Variants in GABRG3 observed in about 807,000 individuals in gnomAD.
GABRG3 encodes the protein gamma-aminobutyric acid receptor subunit gamma-3.
In GABRG3, 25 loss-of-function variants were observed where a neutral mutation model predicts 48.8. The ratio of observed to expected loss-of-function variants is 0.51; its 90% CI spans 0.37 to 0.72. GABRG3 has a LOEUF of 0.72. Among genes scored for constraint, GABRG3 ranks in the 30% least tolerant of loss-of-function variants. GABRG3 has a pLI of 0.00. For synonymous variants in GABRG3, 227 were observed against 217.6 expected, an observed-to-expected ratio of 1.04 and a Z score of -0.38; for missense variants, 394 against 577.9, an observed-to-expected ratio of 0.68 and a Z score of 3.26.
intron 5 of GABRG3, among the ~76,000 whole-genome samples, chr15:27,370,793 A>G (rs1274198723): frequency 1.3e-5 from 2 of 152,230 alleles, no homozygotes; most frequent in East Asian, 1.9e-4. Flanking sequence ...TGTATTTAAC[A>G]TAGAAAATAT....
chr15:27,366,641 C>T (rs577057863), intron 5 of GABRG3, among the ~76,000 whole-genome samples: 27 of 152,198 alleles, frequency 1.8e-4, no homozygotes, highest in African/African-American at 5.3e-4. Context: ...TGTGTCTTCA[C>T]GGGGGTGAGA....
chr15:27,259,559 G>T (rs758570022), intron 3 of GABRG3, among the ~76,000 whole-genome samples: 1 of 152,166 alleles, frequency 6.6e-6, no homozygotes, highest in Non-Finnish European at 1.5e-5. Flanking sequence ...TTCCAGGGCA[G>T]CAAGGTCCTA....
At chr15:27,061,446 CTT>C (rs35770540) in intron 3 of GABRG3, among the ~76,000 whole-genome samples, 2,934 of 142,636 alleles carry the variant, frequency 0.021, 23 homozygotes, top group Non-Finnish European at 0.027. Flanking sequence ...GGTAACTGCT[CTT>C]TTTTTTTTTT....
chr15:26,971,345 C>G lies in GABRG3; in HGVS notation c.-191C>G, dbSNP rs996090634. 5.2e-5 allele frequency: 18 copies of G among 346,036 alleles called. No individual in the cohort carries two copies. The highest frequency in any genetic ancestry group is 3.9e-4 in the African/African-American group (18 of 46,198). The allele number at this position is 346,036 out of a possible 1,614,324, so 21.4% of individuals were successfully genotyped here. ...GGGGCGGCGCGCCGCGGTGGCCCGG[C>G]GTCCCGTGTGCGTCCAGTGTGCGCC... On this transcript the variant is annotated 5_prime_UTR_variant, in exon 1 of 10. Transcript: ENST00000615808.
intron 3 of GABRG3, among the ~76,000 whole-genome samples, chr15:27,231,008 A>AT (rs1566973204): frequency 4.2e-5 from 5 of 120,464 alleles, no homozygotes; most frequent in African/African-American, 1.8e-4. Context: ...AAAACAGTAA[A>AT]ATGTGTGTGT....
chr15:27,168,366 A>T (rs538835444), intron 3 of GABRG3, among the ~76,000 whole-genome samples: 1 of 145,492 alleles, frequency 6.9e-6, no homozygotes, highest in South Asian at 2.1e-4. Context: ...CGCCCCACAC[A>T]TGTCTGAACA....
chr15:27,022,680 C>G (rs919861723), intron 2 of GABRG3, among the ~76,000 whole-genome samples: 4 of 152,174 alleles, frequency 2.6e-5, no homozygotes, highest in Non-Finnish European at 5.9e-5. Flanking sequence ...GTACGTGGCT[C>G]TAGGTGCATC....
intron 2 of GABRG3, among the ~76,000 whole-genome samples, chr15:27,015,708 C>A (rs1290959797): frequency 6.6e-6 from 1 of 151,930 alleles, no homozygotes; most frequent in Non-Finnish European, 1.5e-5. Context: ...TTTTGAGTGA[C>A]CTGCTTTGAT....
At chr15:27,214,571 C>G (rs1272027372) in intron 3 of GABRG3, among the ~76,000 whole-genome samples, 3 of 152,164 alleles carry the variant, frequency 2.0e-5, no homozygotes, top group Non-Finnish European at 2.9e-5. Context: ...ACATTTATTT[C>G]TATACATTTC....
rs374309103 is a variant in GABRG3, at chr15:27,149,111, C to T, written c.270+122290C>T. On this transcript the variant is annotated intron_variant, in intron 3 of 9. Coordinates refer to ENST00000615808, the MANE Select transcript of GABRG3 (RefSeq NM_033223.5). ...ATATAAAAAATTAAGAGCGTCTGCC[C>T]CCTCCAAAAGACATTAAAATAATGA... Among the ~76,000 whole-genome samples, 4 of 151,966 alleles carry T rather than the reference C, an allele frequency of 2.6e-5. 1 individual carries two copies. Among genetic ancestry groups the T allele is most frequent in the African/African-American group, 9.6e-5 (4 of 41,480 alleles).
At chr15:27,101,553 A>G (rs926158321) in intron 3 of GABRG3, among the ~76,000 whole-genome samples, 3 of 152,214 alleles carry the variant, frequency 2.0e-5, no homozygotes, top group African/African-American at 7.2e-5. Flanking sequence ...ATATAGCTAC[A>G]TAATCAAGAC....
intron 5 of GABRG3, among the ~76,000 whole-genome samples, chr15:27,337,652 G>GT (rs1894020010): frequency 6.6e-6 from 1 of 152,170 alleles, no homozygotes; most frequent in African/African-American, 2.4e-5. Context: ...TATCAGTCAT[G>GT]TTCTTCATTC....
chr15:27,040,864 T>C (rs1315845838), intron 3 of GABRG3, among the ~76,000 whole-genome samples: 2 of 152,168 alleles, frequency 1.3e-5, no homozygotes, highest in East Asian at 1.9e-4. Flanking sequence ...CCATATGAAG[T>C]TGGTTCTCCT....
intron 3 of GABRG3, among the ~76,000 whole-genome samples, chr15:27,056,514 G>A (rs1896550887): frequency 6.6e-6 from 1 of 152,152 alleles, no homozygotes; most frequent in Admixed American, 6.5e-5. Context: ...AAGTGATCAT[G>A]CAGTGCTGGA....
chr15:27,078,174 A>G (rs987743883), intron 3 of GABRG3, among the ~76,000 whole-genome samples: 2 of 152,178 alleles, frequency 1.3e-5, no homozygotes, highest in African/African-American at 2.4e-5. Context: ...TTGAGTCAGT[A>G]GACTAGGCTT....
intron 3 of GABRG3, among the ~76,000 whole-genome samples, chr15:27,305,069 TCTGA>T (rs1892349416): frequency 6.6e-6 from 1 of 151,928 alleles, no homozygotes; most frequent in African/African-American, 2.4e-5. Context: ...TAGTACTATC[TCTGA>T]CTTTTAGGTT....
chr15:27,043,641 A>C (rs565551430), intron 3 of GABRG3, among the ~76,000 whole-genome samples: 1 of 152,144 alleles, frequency 6.6e-6, no homozygotes, highest in Admixed American at 6.5e-5. Flanking sequence ...CACTCATTCT[A>C]TCTCATGGAA....
chr15:27,424,062 A>C (rs927931433), intron 5 of GABRG3, among the ~76,000 whole-genome samples: 5 of 152,056 alleles, frequency 3.3e-5, no homozygotes, highest in Admixed American at 3.3e-4. Context: ...CAAAGAAAGG[A>C]GCAAACCTTT....
intron 6 of GABRG3, among the ~76,000 whole-genome samples, chr15:27,484,615 A>G (rs2150846550): frequency 6.6e-6 from 1 of 152,258 alleles, no homozygotes; most frequent in East Asian, 1.9e-4. Flanking sequence ...ATCATTCTCC[A>G]ATTAAAGGAA....
Sources: gnomAD v4.1 joint callset for allele counts (sites outside exome capture counted in the v4.1 genomes callset) on GRCh38, gnomAD v4.1.1 for gene constraint, MANE v1.5 for transcripts, NCBI Gene and HGNC (gene_info 2026-07-23, HGNC 2026-07-21) for gene names.